Variants in MOV10L1 observed in about 807,000 individuals in gnomAD.
MOV10L1 encodes the protein RNA helicase Mov10l1.
A neutral mutation model predicts 143.8 loss-of-function variants in MOV10L1; 110 were observed. The observed-to-expected ratio is 0.76, with a 90% CI of 0.66 to 0.90. The LOEUF is 0.90. MOV10L1 is among the 40% of genes least tolerant of loss of function. The pLI, the probability that MOV10L1 is intolerant of heterozygous loss-of-function variation, is 0.00. For synonymous variants in MOV10L1, 593 were observed against 581.1 expected (o/e 1.02, Z -0.29); for missense variants, 1,406 against 1,526.8 (o/e 0.92, Z 1.32).
At position 50,114,515 on chromosome 22, in the gene MOV10L1, A is replaced by G; in HGVS notation, c.1019A>G (p.Lys340Arg). Residue 340 changes from lysine to arginine, a missense_variant, in exon 7 of 27, where the codon AAG (lysine) becomes AGG (arginine). Lys to Arg is a conservative substitution (Grantham distance 26). Around this residue, in one of 3 missense-constraint regions of MOV10L1, gnomAD observed 1,233 missense variants for 1,351.4 expected, o/e 0.91. Transcript: ENST00000262794. ...GTATCTTTTGTTTCTGTTCCTGAGA[A>G]GGAGAATTCATCAGATGAAAATATT... ...PVVSFVSVPE[K>R]ENSSDENINS... The G allele has an allele frequency of 6.2e-7, 1 of 1,614,168 alleles. No homozygotes were observed. Among genetic ancestry groups the G allele is most frequent in the South Asian group, 1.1e-5 (1 of 91,088 alleles).
chr22:50,160,001 A>G (rs1441596062), intron 24 of MOV10L1, among the ~76,000 whole-genome samples: 1 of 152,096 alleles, frequency 6.6e-6, no homozygotes, highest in Non-Finnish European at 1.5e-5. Flanking sequence ...GAGTAAAGAG[A>G]AGGGACCCAG....
chr22:50,146,974 G>A, intron 19 of MOV10L1: 1 of 1,274,256 alleles, frequency 7.8e-7, no homozygotes, highest in Non-Finnish European at 1.1e-6. Context: ...CGAGAGCCGT[G>A]TGTGGCTACC....
At chr22:50,138,754 A>G (rs2062901024) in intron 15 of MOV10L1, among the ~76,000 whole-genome samples, 1 of 152,140 alleles carries the variant, frequency 6.6e-6, no homozygotes, top group Admixed American at 6.5e-5. Flanking sequence ...GCCCAGGCCG[A>G]GGTGCAGTGG....
intron 3 of MOV10L1, among the ~76,000 whole-genome samples, chr22:50,106,325 C>CTTTTTTTTTTTTTTTTTTTTTTTT (rs1165257394): frequency 1.1e-5 from 1 of 94,556 alleles, no homozygotes. Context: ...CCAACTAATT[C>CTTTTTTTTTTTTTTTTTTTTTTTT]TTTTTTTTTT....
chr22:50,123,623 GA>G (rs1415147077), intron 10 of MOV10L1, among the ~76,000 whole-genome samples: 1 of 152,224 alleles, frequency 6.6e-6, no homozygotes, highest in Non-Finnish European at 1.5e-5. Context: ...TTCTTTTCCT[GA>G]AGTGTCTCTG....
At position 50,152,465 on chromosome 22, in the gene MOV10L1, C is replaced by T. The variant is rs2063326152; in HGVS notation, c.2893-580C>T. Among the ~76,000 whole-genome samples the T allele has an allele frequency of 6.6e-6, 1 of 152,180 alleles. No individual in the cohort carries two copies. The highest frequency in any genetic ancestry group is 1.5e-5 in the Non-Finnish European group (1 of 68,012). Reference sequence around the variant, plus strand: ...AAGAGCACCTGCCCTGAGTGAGCTTCCCGAGCAAGTTGGAGGCAGACAGTA... The same window carrying T: ...AAGAGCACCTGCCCTGAGTGAGCTTTCCGAGCAAGTTGGAGGCAGACAGTA... On this transcript the variant is annotated intron_variant, in intron 21 of 26. Coordinates refer to ENST00000262794, the MANE Select transcript of MOV10L1 (RefSeq NM_018995.3). This position sits in a 1 kb window ranked among gnomAD's most constrained non-coding sequence, Gnocchi z 4.4.
intron 1 of MOV10L1, 59 bp downstream of exon 1, chr22:50,090,244 G>A (rs1205766638): frequency 4.8e-5 from 67 of 1,403,490 alleles, no homozygotes; most frequent in African/African-American, 1.5e-5. Context: ...CGGCCACGAG[G>A]GAGCCGCGCC....
chr22:50,144,391 CCT>C (rs1484134579), intron 18 of MOV10L1, 148 bp downstream of exon 18: 1 of 956,638 alleles, frequency 1.0e-6, no homozygotes, highest in African/African-American at 1.6e-5. Flanking sequence ...TGCCATGGGC[CCT>C]CCCTCACCGC....
At chr22:50,144,304 C>T in intron 18 of MOV10L1, 61 bp downstream of exon 18, 1 of 1,535,068 alleles carries the variant, frequency 6.5e-7, no homozygotes, top group Non-Finnish European at 8.8e-7. Context: ...ATAGGAAATG[C>T]CAAGTGGACA....
chr22:50,096,688 G>A (rs1282417135), intron 2 of MOV10L1, among the ~76,000 whole-genome samples: 1 of 151,906 alleles, frequency 6.6e-6, no homozygotes, highest in Non-Finnish European at 1.5e-5. Context: ...CCTCGTAGTT[G>A]TGAGGTAGTA....
rs954010418 is a variant in MOV10L1 at position 50,160,375 on chromosome 22, T to A, written c.3325-313T>A. On this transcript the variant is annotated intron_variant, in intron 24 of 26. Transcript: ENST00000262794. ...CATTCTCCTGCCTCAGCCTCTCGAGTAGCTGGGACTACAGGCGCCCACCAC... is the reference window on the plus strand; with the variant it reads ...CATTCTCCTGCCTCAGCCTCTCGAGAAGCTGGGACTACAGGCGCCCACCAC... Among the ~76,000 whole-genome samples, 11 of 151,234 alleles carry A rather than the reference T, an allele frequency of 7.3e-5. No individual in the cohort carries two copies. In the South Asian group the frequency reaches 2.1e-3, roughly 29 times the overall value.
chr22:50,108,511 G>A (rs982573783), intron 4 of MOV10L1, 146 bp from the exon 5 acceptor site: 1 of 851,736 alleles, frequency 1.2e-6, no homozygotes, highest in African/African-American at 1.7e-5. Context: ...GTGTGTTGGA[G>A]AATCACTGGA....
chr22:50,106,153 T>A (rs1201987737), intron 3 of MOV10L1, among the ~76,000 whole-genome samples: 2 of 152,140 alleles, frequency 1.3e-5, no homozygotes, highest in Non-Finnish European at 2.9e-5. Context: ...TCTTTACTTT[T>A]GTTTGCTTGT....
intron 15 of MOV10L1, among the ~76,000 whole-genome samples, chr22:50,136,681 G>A (rs907875613): frequency 6.6e-6 from 1 of 152,132 alleles, no homozygotes; most frequent in Non-Finnish European, 1.5e-5. Flanking sequence ...GAGGACAAGG[G>A]GGATAAAGCT....
rs1410580277 is a variant in MOV10L1 at position 50,160,718 on chromosome 22, G to A, written c.3355G>A (p.Asp1119Asn). The A allele has an allele frequency of 6.2e-7, 1 of 1,614,110 alleles. No individual in the cohort carries two copies. Among genetic ancestry groups the A allele is most frequent in the Non-Finnish European group, 8.5e-7 (1 of 1,179,994 alleles). The change falls in exon 25 of 27, where the codon GAT becomes AAT. Residue 1119 changes from aspartate (D) to asparagine (N), a missense_variant. Physicochemically the swap from Asp to Asn is conservative, Grantham distance 23. Around this residue, in one of 3 missense-constraint regions of MOV10L1, gnomAD observed 1,233 missense variants for 1,351.4 expected, o/e 0.91. Transcript: ENST00000262794. Reference protein sequence around the residue: ...VRSNEDRFEDDRYFLGFLSNS... With the variant: ...VRSNEDRFEDNRYFLGFLSNS... ...GTCAAATGAAGATAGATTTGAAGATGATCGATATTTTTTGGGTTTCTTGTC... is the reference window on the plus strand; with the variant it reads ...GTCAAATGAAGATAGATTTGAAGATAATCGATATTTTTTGGGTTTCTTGTC...
intron 5 of MOV10L1, 55 bp from the exon 6 acceptor site, chr22:50,113,593 C>A: frequency 1.9e-6 from 3 of 1,587,138 alleles, no homozygotes; most frequent in Admixed American, 1.8e-5. Context: ...CGGAGGCAGG[C>A]GAGGAAGGGG....
intron 18 of MOV10L1, among the ~76,000 whole-genome samples, chr22:50,145,116 ATTT>A (rs978222179): frequency 1.3e-5 from 2 of 151,424 alleles, no homozygotes; most frequent in African/African-American, 4.9e-5. Context: ...CTAATTTTGT[ATTT>A]TTAGTAGAGA....
At chr22:50,098,427 C>T (rs1384555511) in intron 2 of MOV10L1, among the ~76,000 whole-genome samples, 1 of 152,126 alleles carries the variant, frequency 6.6e-6, no homozygotes, top group African/African-American at 2.4e-5. Context: ...TCTTCCATCT[C>T]CTTAGTTAGG....
At chr22:50,121,544 A>C (rs557057925) in intron 10 of MOV10L1, among the ~76,000 whole-genome samples, 1 of 152,318 alleles carries the variant, frequency 6.6e-6, no homozygotes, top group South Asian at 2.1e-4. Context: ...AATTCAATCC[A>C]CTGCCGTGAT....
Sources: allele counts gnomAD v4.1 joint callset (sites outside exome capture counted in the v4.1 genomes callset), GRCh38; gene constraint gnomAD v4.1.1; regional missense constraint gnomAD v4.1.1; non-coding constraint Gnocchi (gnomAD v3.1); transcripts MANE v1.5; gene names NCBI Gene and HGNC (gene_info 2026-07-23, HGNC 2026-07-21).